The following SLC6A11 variants were observed in gnomAD, a reference collection of about 807,000 sequenced individuals.
SLC6A11 encodes the protein sodium- and chloride-dependent GABA transporter 3.
A neutral mutation model predicts 74.8 loss-of-function variants in SLC6A11; 25 were observed. That is an observed-to-expected ratio of 0.33 (90% CI 0.24 to 0.47). The LOEUF (loss-of-function observed/expected upper bound fraction) is 0.47, where lower values mean the gene tolerates loss of function less well. Among genes scored for constraint, SLC6A11 ranks in the 20% least tolerant of loss-of-function variants. The pLI is 1.00. For synonymous variants in SLC6A11, 330 were observed against 330.2 expected, an observed-to-expected ratio of 1.00 and a Z score of 0.01; for missense variants, 574 against 837.0, an observed-to-expected ratio of 0.69 and a Z score of 3.88.
At chr3:10,857,632 A>G (rs1694654251) in intron 5 of SLC6A11, among the ~76,000 whole-genome samples, 1 of 152,210 alleles carries the variant, frequency 6.6e-6, no homozygotes, top group African/African-American at 2.4e-5. Context: ...TGATTGGCTC[A>G]GTATATTGAT....
At chr3:10,829,908 G>C (rs148661044) in intron 4 of SLC6A11, among the ~76,000 whole-genome samples, 60 of 152,254 alleles carry the variant, frequency 3.9e-4, no homozygotes, top group African/African-American at 1.4e-3. Flanking sequence ...AGCTTTCTTA[G>C]TGCATTTTTT....
chr3:10,875,686 C>G (rs1694899017), intron 6 of SLC6A11, among the ~76,000 whole-genome samples: 1 of 152,164 alleles, frequency 6.6e-6, no homozygotes, highest in African/African-American at 2.4e-5. Flanking sequence ...TATCAGTTGT[C>G]TTTGGTAAGG....
intron 4 of SLC6A11, among the ~76,000 whole-genome samples, chr3:10,836,014 C>T (rs879885755): frequency 4.6e-5 from 7 of 152,204 alleles, no homozygotes; most frequent in Admixed American, 3.9e-4. Flanking sequence ...TCTGCCCATT[C>T]ACCATTAATC....
At chr3:10,913,683 G>A (rs1198658560) in intron 7 of SLC6A11, among the ~76,000 whole-genome samples, 3 of 152,040 alleles carry the variant, frequency 2.0e-5, no homozygotes, top group Admixed American at 1.3e-4. Flanking sequence ...AAAAAAACAA[G>A]CAACACACTC....
At chr3:10,934,631 G>T (rs891776817) in intron 12 of SLC6A11, among the ~76,000 whole-genome samples, 1 of 152,218 alleles carries the variant, frequency 6.6e-6, no homozygotes, top group East Asian at 1.9e-4. Flanking sequence ...CCGTTTCTTG[G>T]CACTGGAAGT....
At chr3:10,868,384 G>T (rs1015970506) in intron 5 of SLC6A11, among the ~76,000 whole-genome samples, 3 of 152,208 alleles carry the variant, frequency 2.0e-5, no homozygotes, top group African/African-American at 7.2e-5. Flanking sequence ...ATAAATGGCC[G>T]TGTCCTGGGC....
chr3:10,838,594 C>T (rs1341836268), intron 4 of SLC6A11, among the ~76,000 whole-genome samples: 1 of 152,162 alleles, frequency 6.6e-6, no homozygotes. Context: ...ATTAAAAATA[C>T]AAAAATTAGC....
rs374139396 is a variant in SLC6A11 at position 10,844,357 on chromosome 3, G to A, written c.756+11G>A. ...AAGTCTACAGGAAAGGTAAGAGGTC[G>A]ATCTTCAAGCAGCTAACCGTGGCAG... is the stretch of plus-strand genomic sequence containing the variant. On this transcript the variant is annotated intron_variant, in intron 5 of 13. Transcript: ENST00000254488. 30 of 1,613,982 alleles carry A rather than the reference G, an allele frequency of 1.9e-5. No individual in the cohort carries two copies. The highest frequency in any genetic ancestry group is 8.9e-5 in the East Asian group (4 of 44,886).
chr3:10,875,303 C>T (rs1468281030), intron 6 of SLC6A11, among the ~76,000 whole-genome samples: 1 of 152,170 alleles, frequency 6.6e-6, no homozygotes, highest in Non-Finnish European at 1.5e-5. Flanking sequence ...TTTAAAAAGG[C>T]AAATTTGTGA....
chr3:10,849,158 C>T (rs1276702375), intron 5 of SLC6A11, among the ~76,000 whole-genome samples: 1 of 152,108 alleles, frequency 6.6e-6, no homozygotes, highest in African/African-American at 2.4e-5. Flanking sequence ...TCAGAAATCT[C>T]CTATGGAAAA....
intron 4 of SLC6A11, among the ~76,000 whole-genome samples, chr3:10,828,623 G>GGCTTTC (rs1694248860): frequency 6.6e-6 from 1 of 152,092 alleles, no homozygotes; most frequent in Non-Finnish European, 1.5e-5. Flanking sequence ...TCAGTCTCTT[G>GGCTTTC]GCTTTTGCTT....
intron 6 of SLC6A11, among the ~76,000 whole-genome samples, chr3:10,879,439 C>A (rs1369046505): frequency 6.6e-6 from 1 of 152,118 alleles, no homozygotes; most frequent in African/African-American, 2.4e-5. Flanking sequence ...GAATACCCAG[C>A]CCATGAAGAA....
At chr3:10,878,831 T>C (rs554661987) in intron 6 of SLC6A11, among the ~76,000 whole-genome samples, 2 of 152,334 alleles carry the variant, frequency 1.3e-5, no homozygotes, top group East Asian at 3.9e-4. Flanking sequence ...ACATATCCTA[T>C]ATATTTACAG....
chr3:10,895,471 C>T (rs1695159065), intron 6 of SLC6A11, among the ~76,000 whole-genome samples: 1 of 152,122 alleles, frequency 6.6e-6, no homozygotes, highest in Non-Finnish European at 1.5e-5. Context: ...AGCTGGAAGC[C>T]ATTATCCTCA....
At chr3:10,840,458 T>C (rs1445751374) in intron 4 of SLC6A11, among the ~76,000 whole-genome samples, 1 of 152,340 alleles carries the variant, frequency 6.6e-6, no homozygotes, top group African/African-American at 2.4e-5. Flanking sequence ...TGCTGCTATT[T>C]CCTTATCTGT....
At chr3:10,919,333 A>T (rs1173224747) in intron 8 of SLC6A11, among the ~76,000 whole-genome samples, 2 of 152,236 alleles carry the variant, frequency 1.3e-5, no homozygotes, top group South Asian at 2.1e-4. Context: ...AACCTCAGAT[A>T]AGTATAAATA....
chr3:10,879,417 G>A lies in SLC6A11; in HGVS notation c.891+4322G>A, dbSNP rs558261338. On this transcript the variant is annotated intron_variant, in intron 6 of 13. Transcript: ENST00000254488. ...AGCCCAGTGTGGCCTAATTCCAACT[G>A]TCCCCATTTGTGAATACCCAGCCCA... Among the ~76,000 whole-genome samples, 3 of 152,268 alleles carry A rather than the reference G, an allele frequency of 2.0e-5. No individual in the cohort carries two copies. The South Asian group carries it at 6.2e-4, about 32-fold the overall frequency.
chr3:10,907,222 A>C (rs927924602), intron 6 of SLC6A11, among the ~76,000 whole-genome samples: 12 of 152,214 alleles, frequency 7.9e-5, no homozygotes, highest in African/African-American at 2.9e-4. Flanking sequence ...AGGAAGGACA[A>C]CTTACAAAAG....
At chr3:10,829,606 C>T (rs749906061) in intron 4 of SLC6A11, among the ~76,000 whole-genome samples, 1 of 152,184 alleles carries the variant, frequency 6.6e-6, no homozygotes, top group Non-Finnish European at 1.5e-5. Flanking sequence ...TAAGCAGCTG[C>T]CCCTTCCTCC....
Sources: allele counts gnomAD v4.1 joint callset (sites outside exome capture counted in the v4.1 genomes callset), GRCh38; gene constraint gnomAD v4.1.1; transcripts MANE v1.5; gene names NCBI Gene and HGNC (gene_info 2026-07-23, HGNC 2026-07-21).